Variants in TMEM132D observed in about 807,000 individuals in gnomAD.
TMEM132D encodes the protein transmembrane protein 132D, also known as mature OL transmembrane protein.
A neutral mutation model predicts 62.3 loss-of-function variants in TMEM132D; 21 were observed. The observed-to-expected ratio is 0.34, with a 90% CI of 0.24 to 0.49. The LOEUF is 0.49. Among genes scored for constraint, TMEM132D ranks in the 20% least tolerant of loss-of-function variants. TMEM132D has a pLI of 0.99. For missense variants in TMEM132D, 1,346 were observed against 1,402.8 expected (o/e 0.96, Z 0.65); for synonymous variants, 621 against 575.6 (o/e 1.08, Z -1.13).
intron 1 of TMEM132D, among the ~76,000 whole-genome samples, chr12:129,781,777 G>C (rs1871128056): frequency 6.6e-6 from 1 of 152,238 alleles, no homozygotes; most frequent in Admixed American, 6.5e-5. Context: ...GCTTCACTGA[G>C]ATCCAACAGA....
chr12:129,597,621 C>T (rs1878373009), intron 2 of TMEM132D, among the ~76,000 whole-genome samples: 1 of 152,112 alleles, frequency 6.6e-6, no homozygotes, highest in South Asian at 2.1e-4. Flanking sequence ...AAATATCATT[C>T]CCCTAAGTGA....
rs1875464498 is a variant in TMEM132D at position 129,903,924 on chromosome 12, C to T, written c.-585G>A. On this transcript the variant is annotated 5_prime_UTR_variant, in exon 1 of 9. The change creates a new upstream start codon in the 5' untranslated region. Coordinates refer to ENST00000422113, the MANE Select transcript of TMEM132D (RefSeq NM_133448.3). This position sits in a 1 kb window ranked among gnomAD's most constrained non-coding sequence, Gnocchi z 6.2. ...GCTCGGGCGCGCGCGCGCTCCGGCA[C>T]CCAAAGTTTGGCGGGTGCGGCTGCT... Among the ~76,000 whole-genome samples, 1 of 147,680 alleles carries T rather than the reference C, an allele frequency of 6.8e-6. No individual in the cohort carries two copies. The highest frequency in any genetic ancestry group is 2.1e-4 in the South Asian group (1 of 4,832).
chr12:129,871,622 T>C (rs956442054), intron 1 of TMEM132D, among the ~76,000 whole-genome samples: 3 of 152,144 alleles, frequency 2.0e-5, no homozygotes, highest in Non-Finnish European at 4.4e-5. Context: ...ATTGGTTCTA[T>C]TCTGTGGTAT....
intron 1 of TMEM132D, among the ~76,000 whole-genome samples, chr12:129,796,391 A>C (rs1054475447): frequency 1.3e-5 from 2 of 152,130 alleles, no homozygotes; most frequent in Non-Finnish European, 2.9e-5. Context: ...TCATTTCTAG[A>C]AATACTTTTC....
chr12:129,609,477 G>T (rs1037683510), intron 2 of TMEM132D, among the ~76,000 whole-genome samples: 3 of 152,128 alleles, frequency 2.0e-5, no homozygotes, highest in Admixed American at 6.5e-5. Context: ...CTTAAAAAGC[G>T]ACAGGAAAAC....
chr12:129,515,996 T>C (rs944848344), intron 3 of TMEM132D, among the ~76,000 whole-genome samples: 1 of 152,318 alleles, frequency 6.6e-6, no homozygotes, highest in South Asian at 2.1e-4. Context: ...TTCCTTTCTC[T>C]CCCCTACAAT....
chr12:129,717,280 T>C (rs1476127267), intron 1 of TMEM132D, among the ~76,000 whole-genome samples: 1 of 152,218 alleles, frequency 6.6e-6, no homozygotes, highest in Non-Finnish European at 1.5e-5. Flanking sequence ...TCTTAAGTGA[T>C]GTGACATCGT....
At chr12:129,526,562 C>A (rs1876047229) in intron 3 of TMEM132D, among the ~76,000 whole-genome samples, 1 of 152,186 alleles carries the variant, frequency 6.6e-6, no homozygotes, top group Non-Finnish European at 1.5e-5. Flanking sequence ...GGATTACAGG[C>A]ATGAGCCACC....
rs1565953634 is a variant in TMEM132D, at chr12:129,071,764, TTATAAA to T, written c.*2105_*2110del. The T allele has an allele frequency of 6.6e-6, 1 of 152,258 alleles. No homozygotes were observed. Among genetic ancestry groups the T allele is most frequent in the Non-Finnish European group, 1.5e-5 (1 of 68,046 alleles). The allele number at this position is 152,258 out of a possible 1,614,324, so 9.4% of individuals were successfully genotyped here. A position where few individuals can be genotyped will look rare whatever the true frequency, so the allele number is the denominator to read the frequency against. On this transcript the variant is annotated 3_prime_UTR_variant, in exon 9 of 9. Coordinates refer to ENST00000422113, the MANE Select transcript of TMEM132D (RefSeq NM_133448.3). ...AACTTTATATTTACAGTCAGTAAGT[TTATAAA>T]TATATATTACATTCTTACAATCTAC... is the stretch of plus-strand genomic sequence containing the variant.
At chr12:129,620,435 A>G (rs1239136554) in intron 2 of TMEM132D, among the ~76,000 whole-genome samples, 1 of 152,118 alleles carries the variant, frequency 6.6e-6, no homozygotes, top group Non-Finnish European at 1.5e-5. Flanking sequence ...CCCATCTCTG[A>G]TAAAAGTACA....
At chr12:129,572,743 C>T (rs1877553284) in intron 2 of TMEM132D, among the ~76,000 whole-genome samples, 1 of 152,068 alleles carries the variant, frequency 6.6e-6, no homozygotes, top group African/African-American at 2.4e-5. Flanking sequence ...GCCAGCGCGC[C>T]CGGCCCAGAG....
chr12:129,352,690 G>A (rs987827665), intron 3 of TMEM132D, among the ~76,000 whole-genome samples: 2 of 152,110 alleles, frequency 1.3e-5, no homozygotes, highest in African/African-American at 4.8e-5. Context: ...TTAGAGAAAT[G>A]CAAATCAAAA....
chr12:129,543,415 T>G (rs190190692), intron 2 of TMEM132D, among the ~76,000 whole-genome samples: 2 of 131,656 alleles, frequency 1.5e-5, no homozygotes, highest in Non-Finnish European at 3.3e-5. Context: ...GATAGACAGA[T>G]AGATAGATAT....
intron 2 of TMEM132D, among the ~76,000 whole-genome samples, chr12:129,685,532 G>A (rs1880887413): frequency 6.6e-6 from 1 of 152,166 alleles, no homozygotes; most frequent in African/African-American, 2.4e-5. Flanking sequence ...TGTCCAGGCA[G>A]AAGACTGCTA....
chr12:129,386,552 CAACCAATACT>C (rs1871110091), intron 3 of TMEM132D, among the ~76,000 whole-genome samples: 2 of 151,618 alleles, frequency 1.3e-5, no homozygotes, highest in African/African-American at 2.4e-5. Context: ...ATGCCAACAC[CAACCAATACT>C]AACACTAACA....
chr12:129,298,210 A>G (rs1289644989), intron 4 of TMEM132D, among the ~76,000 whole-genome samples: 2 of 152,212 alleles, frequency 1.3e-5, no homozygotes, highest in African/African-American at 2.4e-5. Flanking sequence ...ATCAATGTCT[A>G]TCATAAGCAA....
intron 1 of TMEM132D, among the ~76,000 whole-genome samples, chr12:129,846,965 A>T (rs1873382437): frequency 6.6e-6 from 1 of 152,166 alleles, no homozygotes; most frequent in African/African-American, 2.4e-5. Flanking sequence ...TGCCTGGGAA[A>T]CTTTTCCACT....
intron 2 of TMEM132D, among the ~76,000 whole-genome samples, chr12:129,619,038 GT>G (rs1325567503): frequency 6.6e-6 from 1 of 152,158 alleles, no homozygotes; most frequent in African/African-American, 2.4e-5. Flanking sequence ...GAAGACCAAG[GT>G]TTTTTATCAT....
chr12:129,719,356 T>A (rs1020386635), intron 1 of TMEM132D, among the ~76,000 whole-genome samples: 1 of 152,180 alleles, frequency 6.6e-6, no homozygotes, highest in Non-Finnish European at 1.5e-5. Context: ...CCAATTCAGC[T>A]CAGTAATATA....
Sources: gnomAD v4.1 joint callset for allele counts (sites outside exome capture counted in the v4.1 genomes callset) on GRCh38, gnomAD v4.1.1 for gene constraint, Gnocchi (gnomAD v3.1) non-coding constraint, MANE v1.5 for transcripts, NCBI Gene and HGNC (gene_info 2026-07-23, HGNC 2026-07-21) for gene names.